The following ITFG1 variants were observed in gnomAD, a reference collection of about 807,000 sequenced individuals.
ITFG1 encodes the protein T-cell immunomodulatory protein.
A neutral mutation model predicts 81.8 loss-of-function variants in ITFG1; 34 were observed. The ratio of observed to expected loss-of-function variants is 0.42; its 90% confidence interval spans 0.32 to 0.55. ITFG1 has a LOEUF of 0.55. Among genes scored for constraint, ITFG1 ranks in the 20% least tolerant of loss-of-function variants. The probability of loss-of-function intolerance (pLI) is 0.17; values close to 1 mark genes in which losing one functional copy is unlikely to be tolerated. For missense variants in ITFG1, 672 were observed against 755.4 expected (o/e 0.89, Z 1.29); for synonymous variants, 285 against 270.6 (o/e 1.05, Z -0.52).
At chr16:47,398,739 T>C (rs755676097) in intron 6 of ITFG1, among the ~76,000 whole-genome samples, 3 of 152,240 alleles carry the variant, frequency 2.0e-5, no homozygotes, top group Non-Finnish European at 2.9e-5. Flanking sequence ...TTCAGAATGA[T>C]ATCACAATAC....
intron 7 of ITFG1, among the ~76,000 whole-genome samples, chr16:47,367,487 T>A (rs906262503): frequency 4.6e-5 from 7 of 152,218 alleles, no homozygotes; most frequent in Non-Finnish European, 2.9e-5. Context: ...AATCAACTCA[T>A]TAGCATACAA....
chr16:47,217,480 T>G (rs1965638437), intron 14 of ITFG1, among the ~76,000 whole-genome samples: 1 of 152,238 alleles, frequency 6.6e-6, no homozygotes, highest in Admixed American at 6.5e-5. Flanking sequence ...CTTCAAAGTC[T>G]AAAAGAATTA....
In ITFG1 at chr16:47,400,487, C is replaced by T. The variant is rs542274018; in HGVS notation, c.656-24547G>A. Among the ~76,000 whole-genome samples, 126 of 150,968 alleles carry T rather than the reference C, an allele frequency of 8.3e-4. 1 individual carries two copies. The highest frequency in any genetic ancestry group is 2.9e-3 in the African/African-American group (120 of 41,150). On this transcript the variant is annotated intron_variant, in intron 6 of 17. Transcript: ENST00000320640. Reference sequence around the variant, plus strand: ...ACACACACACACACACACACACACACACCACTAGACACCAGCATTGTGTCA... The same window carrying T: ...ACACACACACACACACACACACACATACCACTAGACACCAGCATTGTGTCA...
At chr16:47,329,225 T>C (rs1967605330) in intron 8 of ITFG1, among the ~76,000 whole-genome samples, 2 of 152,168 alleles carry the variant, frequency 1.3e-5, no homozygotes, top group Non-Finnish European at 2.9e-5. Flanking sequence ...ATTAAAGCTA[T>C]TCTAAAGAAT....
intron 5 of ITFG1, among the ~76,000 whole-genome samples, chr16:47,429,554 T>C (rs1969067185): frequency 6.6e-6 from 1 of 152,246 alleles, no homozygotes; most frequent in Non-Finnish European, 1.5e-5. Flanking sequence ...CCCAGCAATG[T>C]AGGAGAATTC....
At chr16:47,197,129 T>G (rs1965367494) in intron 14 of ITFG1, among the ~76,000 whole-genome samples, 1 of 152,182 alleles carries the variant, frequency 6.6e-6, no homozygotes, top group Non-Finnish European at 1.5e-5. Flanking sequence ...GAAATGGCCA[T>G]GCAAAGCTGT....
intron 11 of ITFG1, among the ~76,000 whole-genome samples, chr16:47,259,855 G>A (rs895170839): frequency 1.2e-4 from 18 of 152,008 alleles, no homozygotes; most frequent in African/African-American, 3.6e-4. Flanking sequence ...GCTACTCTGC[G>A]TCACAAAGAT....
intron 6 of ITFG1, among the ~76,000 whole-genome samples, chr16:47,390,697 T>C (rs1002050937): frequency 6.6e-6 from 1 of 152,100 alleles, no homozygotes; most frequent in Non-Finnish European, 1.5e-5. Context: ...TCACCTCAGG[T>C]GATCCGCCCA....
chr16:47,324,212 C>G (rs939595757), intron 8 of ITFG1, among the ~76,000 whole-genome samples: 1 of 151,866 alleles, frequency 6.6e-6, no homozygotes, highest in Non-Finnish European at 1.5e-5. Flanking sequence ...ATTTTCAACC[C>G]AGAATTTCAT....
At chr16:47,242,492 A>G (rs1965946259) in intron 12 of ITFG1, among the ~76,000 whole-genome samples, 1 of 152,184 alleles carries the variant, frequency 6.6e-6, no homozygotes. Context: ...ATACTACAGT[A>G]CATTTTATAA....
At chr16:47,180,545 A>C (rs1251905087) in intron 14 of ITFG1, among the ~76,000 whole-genome samples, 1 of 151,860 alleles carries the variant, frequency 6.6e-6, no homozygotes, top group Non-Finnish European at 1.5e-5. Context: ...GCCACGCCTG[A>C]CTGTTTTTCG....
chr16:47,408,186 G>A lies in ITFG1; in HGVS notation c.655+20618C>T, dbSNP rs567160897. ...TGGTGATCTTGTTTTTTCGTCTTTG[G>A]TTCCTAGCACAATGCTTGGAAGAGT... On this transcript the variant is annotated intron_variant, in intron 6 of 17. Transcript: ENST00000320640. 4.6e-5 allele frequency among the ~76,000 whole-genome samples: 7 copies of A among 152,230 alleles called. No individual in the cohort carries two copies. In the East Asian group the frequency reaches 1.4e-3, roughly 29 times the overall value.
intron 6 of ITFG1, among the ~76,000 whole-genome samples, chr16:47,403,592 G>A (rs769593600): frequency 6.6e-6 from 1 of 152,110 alleles, no homozygotes; most frequent in African/African-American, 2.4e-5. Flanking sequence ...ATGACATTAT[G>A]CAATTACCAT....
intron 14 of ITFG1, among the ~76,000 whole-genome samples, chr16:47,181,411 G>A (rs112428131): frequency 7.1e-6 from 1 of 140,550 alleles, no homozygotes; most frequent in Non-Finnish European, 1.5e-5. Flanking sequence ...GGGGGGGTCA[G>A]CCCCCCCGCC....
chr16:47,313,262 G>C (rs1967296246), intron 9 of ITFG1: 1 of 152,170 alleles, frequency 6.6e-6, no homozygotes, highest in Non-Finnish European at 1.5e-5. Context: ...ATTCTAATAT[G>C]ATTGTTATAA....
At chr16:47,428,526 C>T (rs1969052498) in intron 6 of ITFG1, among the ~76,000 whole-genome samples, 1 of 149,026 alleles carries the variant, frequency 6.7e-6, no homozygotes, top group South Asian at 2.1e-4. Context: ...GTAAAAAAAA[C>T]AGCAGGCAAC....
chr16:47,287,403 T>C (rs1401591380), intron 10 of ITFG1, among the ~76,000 whole-genome samples: 4 of 152,036 alleles, frequency 2.6e-5, no homozygotes, highest in Admixed American at 1.3e-4. Flanking sequence ...TGCTCTATTT[T>C]TTTTTCTTTC....
At chr16:47,181,233 G>C (rs914177577) in intron 14 of ITFG1, among the ~76,000 whole-genome samples, 1 of 145,118 alleles carries the variant, frequency 6.9e-6, no homozygotes, top group Non-Finnish European at 1.5e-5. Flanking sequence ...CAGCCGCCCC[G>C]TCTGAGAAGT....
intron 8 of ITFG1, chr16:47,317,597 T>C (rs1967380925): frequency 6.6e-6 from 1 of 152,152 alleles, no homozygotes; most frequent in Admixed American, 6.5e-5. Flanking sequence ...ACATGAGAAT[T>C]CTTAGGCTCC....
Sources: allele counts gnomAD v4.1 joint callset (sites outside exome capture counted in the v4.1 genomes callset), GRCh38; gene constraint gnomAD v4.1.1; transcripts MANE v1.5; gene names NCBI Gene and HGNC (gene_info 2026-07-23, HGNC 2026-07-21).